The following DYNC2H1 variants were observed in gnomAD, a reference collection of about 807,000 sequenced individuals.
DYNC2H1 encodes dynein cytoplasmic 2 heavy chain 1, also known as cytoplasmic dynein 2 heavy chain 1.
DYNC2H1 carries 410 observed loss-of-function variants against 570.0 expected under a neutral mutation model. The ratio of observed to expected loss-of-function variants is 0.72; its 90% CI spans 0.66 to 0.78. The LOEUF (loss-of-function observed/expected upper bound fraction) is 0.78. Among genes scored for constraint, DYNC2H1 ranks in the 30% least tolerant of loss-of-function variants. The pLI, the probability that DYNC2H1 is intolerant of heterozygous loss-of-function variation, is 0.00. For synonymous variants in DYNC2H1, 1,688 were observed against 1,677.6 expected (o/e 1.01, Z -0.15); for missense variants, 4,865 against 5,046.4 (o/e 0.96, Z 1.09).
intron 54 of DYNC2H1, among the ~76,000 whole-genome samples, chr11:103,212,919 T>A (rs1447659372): frequency 6.6e-6 from 1 of 152,148 alleles, no homozygotes; most frequent in Non-Finnish European, 1.5e-5. Context: ...TGTGAGTGTA[T>A]TAGATAAAAT....
intron 83 of DYNC2H1, among the ~76,000 whole-genome samples, chr11:103,392,008 C>T (rs1942174416): frequency 6.6e-6 from 1 of 152,202 alleles, no homozygotes; most frequent in Non-Finnish European, 1.5e-5. Context: ...GGGAGAACCA[C>T]TACTCTCTTC....
chr11:103,137,404 T>G (rs1282351947), intron 17 of DYNC2H1, among the ~76,000 whole-genome samples: 1 of 151,984 alleles, frequency 6.6e-6, no homozygotes, highest in African/African-American at 2.4e-5. Context: ...AATTTTTGTA[T>G]AAGGTGTAAG....
chr11:103,267,544 T>C (rs1294640108), intron 70 of DYNC2H1, among the ~76,000 whole-genome samples: 1 of 152,074 alleles, frequency 6.6e-6, no homozygotes, highest in African/African-American at 2.4e-5. Flanking sequence ...ATAACCTTCA[T>C]AGTGATAGTT....
In DYNC2H1 at chr11:103,433,080, T is replaced by C. The variant is rs1340747436; in HGVS notation, c.12367-2863T>C. Among the ~76,000 whole-genome samples the C allele has an allele frequency of 3.3e-5, 5 of 152,146 alleles. No homozygotes were observed. The East Asian group carries it at 5.8e-4, about 18-fold the overall frequency. ...GAACTTCAGCTTTGTATCTCCTTTATTGGTTTTTAAATTTCTTTAAATACT... is the reference window on the plus strand; with the variant it reads ...GAACTTCAGCTTTGTATCTCCTTTACTGGTTTTTAAATTTCTTTAAATACT... On this transcript the variant is annotated intron_variant, in intron 84 of 88. Transcript: ENST00000375735.
intron 82 of DYNC2H1, among the ~76,000 whole-genome samples, chr11:103,328,409 C>A (rs1266015497): frequency 6.6e-6 from 1 of 152,030 alleles, no homozygotes; most frequent in Non-Finnish European, 1.5e-5. Flanking sequence ...TCATTCCAAG[C>A]CACATTTAAA....
Position 103,264,003 on chromosome 11 carries a change from T to TA in DYNC2H1, c.10695+4032dup, listed in dbSNP as rs1299183697. ...AGAGAGAAGAATCAAATAGATGCAA[T>TA]AAAAAATGATAAAGGGGATATCACC... On this transcript the variant is annotated intron_variant, in intron 70 of 88. Transcript: ENST00000375735. The surrounding 1 kb of genome is among the most constrained non-coding windows in gnomAD (Gnocchi z 4.8). 6.6e-6 allele frequency among the ~76,000 whole-genome samples: 1 copy of TA among 151,768 alleles called. No individual in the cohort carries two copies. The highest frequency in any genetic ancestry group is 1.5e-5 in the Non-Finnish European group (1 of 67,946).
At position 103,354,564 on chromosome 11, in the gene DYNC2H1, C is replaced by CT. The variant is rs1352396251; in HGVS notation, c.12040-3671dup. ...TTACCATTCCTTTTTACTTATTAGA[C>CT]TTTTTTTTGGATGATTTTCTTCTAG... On this transcript the variant is annotated intron_variant, in intron 82 of 88. Coordinates refer to ENST00000375735, the MANE Select transcript of DYNC2H1 (RefSeq NM_001377.3). Among the ~76,000 whole-genome samples the CT allele has an allele frequency of 1.3e-4, 20 of 151,750 alleles. 2 individuals are homozygous for CT. The South Asian group carries it at 3.5e-3, about 27-fold the overall frequency.
chr11:103,477,004 T>C (rs1189782336), intron 88 of DYNC2H1, among the ~76,000 whole-genome samples: 3 of 152,194 alleles, frequency 2.0e-5, no homozygotes, highest in East Asian at 1.9e-4. Context: ...ATAATACTTA[T>C]ATCTGGAGCT....
chr11:103,391,769 C>T (rs1259576527), intron 83 of DYNC2H1, among the ~76,000 whole-genome samples: 5 of 152,224 alleles, frequency 3.3e-5, no homozygotes, highest in Admixed American at 3.3e-4. Flanking sequence ...CCGCTCCAGA[C>T]CCTGTTTGCC....
At chr11:103,195,998 G>A (rs1413006372) in intron 47 of DYNC2H1, among the ~76,000 whole-genome samples, 1 of 152,168 alleles carries the variant, frequency 6.6e-6, no homozygotes, top group Non-Finnish European at 1.5e-5. Flanking sequence ...AGAAACAGAG[G>A]CTTGAGAAAA....
chr11:103,363,347 G>T lies in DYNC2H1; in HGVS notation c.12156+4988G>T, dbSNP rs1442374528. 1.3e-5 allele frequency among the ~76,000 whole-genome samples: 2 copies of T among 152,090 alleles called. No homozygotes were observed. Among genetic ancestry groups the T allele is most frequent in the Non-Finnish European group, 2.9e-5 (2 of 68,022 alleles). ...TTATTTTAGATATGTTTATAAGTGAGCTGGAGAGGAGATCTACTAGTGTGT... is the reference window on the plus strand; with the variant it reads ...TTATTTTAGATATGTTTATAAGTGATCTGGAGAGGAGATCTACTAGTGTGT... On this transcript the variant is annotated intron_variant, in intron 83 of 88. Coordinates refer to ENST00000375735, the MANE Select transcript of DYNC2H1 (RefSeq NM_001377.3). This position sits in a 1 kb window ranked among gnomAD's most constrained non-coding sequence, Gnocchi z 5.6.
chr11:103,208,902 T>C (rs1863040768), intron 52 of DYNC2H1, among the ~76,000 whole-genome samples: 1 of 152,114 alleles, frequency 6.6e-6, no homozygotes, highest in South Asian at 2.1e-4. Flanking sequence ...CACACTTTGC[T>C]AATGTAGGAT....
At chr11:103,313,212 C>T (rs531685135) in intron 79 of DYNC2H1, among the ~76,000 whole-genome samples, 1 of 152,314 alleles carries the variant, frequency 6.6e-6, no homozygotes, top group East Asian at 1.9e-4. Context: ...TCAGCCTCCT[C>T]TCAGGCCCTT....
At chr11:103,266,200 A>G (rs1220020895) in intron 70 of DYNC2H1, among the ~76,000 whole-genome samples, 2 of 152,154 alleles carry the variant, frequency 1.3e-5, no homozygotes, top group Non-Finnish European at 2.9e-5. Flanking sequence ...TGCCAGCAGC[A>G]GTGGTAGCAG....
intron 85 of DYNC2H1, among the ~76,000 whole-genome samples, chr11:103,451,347 T>C (rs1297850365): frequency 7.4e-6 from 1 of 134,264 alleles, no homozygotes; most frequent in Admixed American, 7.6e-5. Context: ...TTTTTTTTTT[T>C]TTTTGAGATG....
chr11:103,398,764 T>C (rs1379567170), intron 83 of DYNC2H1, among the ~76,000 whole-genome samples: 1 of 152,088 alleles, frequency 6.6e-6, no homozygotes, highest in Non-Finnish European at 1.5e-5. Flanking sequence ...TAATAAGCTG[T>C]TTGGAAACAA....
At chr11:103,168,668 G>C (rs1591351430) in intron 31 of DYNC2H1, 87 bp from the exon 32 acceptor site, 1 of 1,332,348 alleles carries the variant, frequency 7.5e-7, no homozygotes, top group South Asian at 1.3e-5. Context: ...TAAATTCATG[G>C]AGAAATCACC....
At chr11:103,194,744 G>C (rs1390626778) in intron 47 of DYNC2H1, among the ~76,000 whole-genome samples, 2 of 151,808 alleles carry the variant, frequency 1.3e-5, no homozygotes, top group Non-Finnish European at 2.9e-5. Flanking sequence ...TTGAGACGGA[G>C]TCTCACTCTG....
At position 103,120,939 on chromosome 11, in the gene DYNC2H1, C is replaced by A. The variant is rs142881106; in HGVS notation, c.1263C>A (p.Phe421Leu). The A allele has an allele frequency of 5.3e-3, 8,068 of 1,521,340 alleles. 31 individuals are homozygous for A. Among genetic ancestry groups the A allele is most frequent in the Non-Finnish European group, 6.6e-3 (7,512 of 1,137,404 alleles). The allele number at this position is 1,521,340 out of a possible 1,614,324, so 94.2% of individuals were successfully genotyped here. The change falls in exon 9 of 89, where the codon TTC becomes TTA. Residue 421 changes from phenylalanine (F) to leucine (L), a missense_variant. Physicochemically the swap from Phe to Leu is conservative, Grantham distance 22. Around this residue, in one of 5 missense-constraint regions of DYNC2H1, gnomAD observed 1,936 missense variants for 1,962.1 expected, o/e 0.99. Coordinates refer to ENST00000375735, the MANE Select transcript of DYNC2H1 (RefSeq NM_001377.3). ...QDSPQQLLQA[F>L]LKYKELVKRP... ...TTTTATATTAGCTTCTTCAAGCATT[C>A]CTGAAATATAAAGAGTTGGTAAAGC...
Sources: gnomAD v4.1 joint callset for allele counts (sites outside exome capture counted in the v4.1 genomes callset) on GRCh38, gnomAD v4.1.1 for gene constraint, gnomAD v4.1.1 regional missense constraint, Gnocchi (gnomAD v3.1) non-coding constraint, MANE v1.5 for transcripts, NCBI Gene and HGNC (gene_info 2026-07-23, HGNC 2026-07-21) for gene names.